Variants in RIT2 observed in about 807,000 individuals in gnomAD.
The protein encoded by RIT2 is GTP-binding protein Rit2.
A neutral mutation model predicts 23.7 loss-of-function variants in RIT2; 24 were observed. The ratio of observed to expected loss-of-function variants is 1.01; its 90% confidence interval spans 0.73 to 1.43. RIT2 has a LOEUF of 1.43. Ranked by LOEUF, RIT2 falls within the 40% of genes most tolerant of loss-of-function variation. RIT2 has a pLI of 0.00. For missense variants in RIT2, 236 were observed against 266.9 expected (o/e 0.88, Z 0.81); for synonymous variants, 107 against 91.1 (o/e 1.17, Z -0.99).
At chr18:42,920,845 T>C (rs1006893190) in intron 4 of RIT2, 3 of 930,048 alleles carry the variant, frequency 3.2e-6, no homozygotes, top group African/African-American at 3.2e-5. Context: ...AATTTCACCG[T>C]TGAGAGTTTA....
chr18:42,765,485 C>T (rs1271788850), intron 4 of RIT2, among the ~76,000 whole-genome samples: 3 of 152,030 alleles, frequency 2.0e-5, no homozygotes, highest in Middle Eastern at 3.2e-3. Context: ...AAAGAAACTC[C>T]GACAGCCTGG....
At chr18:42,881,376 C>T (rs1333843311) in intron 4 of RIT2, among the ~76,000 whole-genome samples, 1 of 152,108 alleles carries the variant, frequency 6.6e-6, no homozygotes, top group African/African-American at 2.4e-5. Flanking sequence ...CCCCTTCAAT[C>T]GATTCTTTAT....
chr18:42,957,900 A>G (rs969863045), intron 3 of RIT2, among the ~76,000 whole-genome samples: 2 of 152,156 alleles, frequency 1.3e-5, no homozygotes, highest in Non-Finnish European at 2.9e-5. Flanking sequence ...CTCTTCATAA[A>G]CCTGTCGGAG....
chr18:42,746,230 A>G (rs1912913643), intron 4 of RIT2, among the ~76,000 whole-genome samples: 1 of 152,130 alleles, frequency 6.6e-6, no homozygotes, highest in African/African-American at 2.4e-5. Flanking sequence ...GGCAGGACAT[A>G]TGCTCAACTC....
intron 1 of RIT2, among the ~76,000 whole-genome samples, chr18:43,041,425 T>C (rs1397398565): frequency 6.6e-6 from 1 of 152,184 alleles, no homozygotes; most frequent in East Asian, 1.9e-4. Context: ...TACTTAACGG[T>C]AAGCCCTGGA....
At chr18:42,893,554 C>G (rs944098312) in intron 4 of RIT2, among the ~76,000 whole-genome samples, 2 of 152,126 alleles carry the variant, frequency 1.3e-5, no homozygotes, top group African/African-American at 4.8e-5. Context: ...CATACTTTTG[C>G]ATTGGAGGTT....
intron 4 of RIT2, among the ~76,000 whole-genome samples, chr18:42,783,583 G>A (rs1398614096): frequency 2.0e-5 from 3 of 151,992 alleles, no homozygotes; most frequent in African/African-American, 4.8e-5. Context: ...TCCAGAGGCT[G>A]GACAGAGGAC....
chr18:43,004,145 G>T (rs1462362375), intron 2 of RIT2, among the ~76,000 whole-genome samples: 1 of 151,794 alleles, frequency 6.6e-6, no homozygotes, highest in Non-Finnish European at 1.5e-5. Flanking sequence ...GTGTATTTAT[G>T]AAAAGGGCTT....
At chr18:42,801,762 C>A (rs1157542204) in intron 4 of RIT2, among the ~76,000 whole-genome samples, 2 of 152,230 alleles carry the variant, frequency 1.3e-5, no homozygotes, top group East Asian at 3.9e-4. Flanking sequence ...TCTTTCATAC[C>A]CATCTCCTGA....
intron 4 of RIT2, among the ~76,000 whole-genome samples, chr18:42,876,274 A>G (rs1907740795): frequency 6.6e-6 from 1 of 151,964 alleles, no homozygotes; most frequent in Admixed American, 6.6e-5. Context: ...TCCCCCAGTG[A>G]AGATATTTTT....
At chr18:43,089,978 G>T (rs1319257416) in intron 1 of RIT2, among the ~76,000 whole-genome samples, 2 of 151,964 alleles carry the variant, frequency 1.3e-5, no homozygotes, top group African/African-American at 4.8e-5. Context: ...CCTAGGAATG[G>T]GCAAAAATTT....
chr18:42,834,290 G>T lies in RIT2; in HGVS notation c.426+89282C>A, dbSNP rs143030151. ...TTGTAGACTGAGAATCCAAAAGTCT[G>T]CAGTCTAGATTTGTACTTGCTTTAA... On this transcript the variant is annotated intron_variant, in intron 4 of 4. Coordinates refer to ENST00000326695, the MANE Select transcript of RIT2 (RefSeq NM_002930.4). 2.8e-3 allele frequency among the ~76,000 whole-genome samples: 433 copies of T among 152,288 alleles called. 3 individuals are homozygous for T. Among genetic ancestry groups the T allele is most frequent in the African/African-American group, 9.3e-3 (386 of 41,550 alleles).
intron 1 of RIT2, among the ~76,000 whole-genome samples, chr18:43,111,524 A>G (rs768048894): frequency 3.9e-5 from 6 of 152,202 alleles, no homozygotes; most frequent in Non-Finnish European, 5.9e-5. Context: ...ATTATTATAC[A>G]CTGTATGCCT....
intron 3 of RIT2, among the ~76,000 whole-genome samples, chr18:42,966,825 CAT>C (rs146823614): frequency 0.023 from 3,414 of 150,552 alleles, 136 homozygotes; most frequent in African/African-American, 0.079. Context: ...CACATATAGA[CAT>C]ATATATATAT....
intron 4 of RIT2, among the ~76,000 whole-genome samples, chr18:42,866,741 T>A (rs1907481995): frequency 6.6e-6 from 1 of 152,094 alleles, no homozygotes; most frequent in South Asian, 2.1e-4. Context: ...AATACCTCAA[T>A]CCCATTTTAT....
At chr18:42,986,342 T>C (rs1457717446) in intron 2 of RIT2, among the ~76,000 whole-genome samples, 1 of 138,218 alleles carries the variant, frequency 7.2e-6, no homozygotes, top group African/African-American at 2.7e-5. Flanking sequence ...ATCCAGAATA[T>C]GTAAACATTC....
chr18:42,785,114 T>C (rs967296368), intron 4 of RIT2, among the ~76,000 whole-genome samples: 3 of 152,110 alleles, frequency 2.0e-5, no homozygotes, highest in African/African-American at 7.2e-5. Flanking sequence ...CCATTCATAG[T>C]CACCTTTGGT....
chr18:42,992,647 T>G (rs1205659504), intron 2 of RIT2, among the ~76,000 whole-genome samples: 1 of 152,214 alleles, frequency 6.6e-6, no homozygotes, highest in Non-Finnish European at 1.5e-5. Context: ...GCTTACAGTT[T>G]CATTCCGCAA....
intron 4 of RIT2, among the ~76,000 whole-genome samples, chr18:42,784,473 C>T (rs1396787251): frequency 1.3e-5 from 2 of 151,980 alleles, no homozygotes; most frequent in African/African-American, 4.8e-5. Flanking sequence ...TAGCAATGTT[C>T]AGGGCAGTTA....
Sources: gnomAD v4.1 joint callset for allele counts (sites outside exome capture counted in the v4.1 genomes callset) on GRCh38, gnomAD v4.1.1 for gene constraint, MANE v1.5 for transcripts, NCBI Gene and HGNC (gene_info 2026-07-23, HGNC 2026-07-21) for gene names.